The following SEL1L variants were observed in gnomAD, a reference collection of about 807,000 sequenced individuals.
SEL1L encodes SEL1L adaptor subunit of SYVN1 ubiquitin ligase.
In SEL1L, 52 loss-of-function variants were observed where a neutral mutation model predicts 109.8. That is an observed-to-expected ratio of 0.47 (90% confidence interval 0.38 to 0.60). The LOEUF (loss-of-function observed/expected upper bound fraction) is 0.60, where lower values mean the gene tolerates loss of function less well. Ranked by LOEUF, SEL1L falls within the 20% of genes least tolerant of loss-of-function variation. SEL1L has a pLI of 0.00. For missense variants in SEL1L, 749 were observed against 962.2 expected, an observed-to-expected ratio of 0.78 and a Z score of 2.93; for synonymous variants, 373 against 339.6, an observed-to-expected ratio of 1.10 and a Z score of -1.08.
At chr14:81,525,052 T>G (rs903603079) in intron 3 of SEL1L, among the ~76,000 whole-genome samples, 1 of 152,136 alleles carries the variant, frequency 6.6e-6, no homozygotes, top group Non-Finnish European at 1.5e-5. Flanking sequence ...GTGATTTTGC[T>G]GAAAAGAACA....
chr14:81,477,918 C>T (rs1032658317), intron 20 of SEL1L, among the ~76,000 whole-genome samples: 1 of 152,152 alleles, frequency 6.6e-6, no homozygotes, highest in Non-Finnish European at 1.5e-5. Flanking sequence ...AAGCTCTGTT[C>T]CATGACAGTG....
intron 13 of SEL1L, among the ~76,000 whole-genome samples, chr14:81,489,960 G>A (rs1476112329): frequency 6.6e-6 from 1 of 152,172 alleles, no homozygotes; most frequent in Admixed American, 6.5e-5. Flanking sequence ...AGAGAGGTAA[G>A]TGTACATACT....
chr14:81,499,110 TGAAAAACTAAA>T, intron 8 of SEL1L: 1 of 981,622 alleles, frequency 1.0e-6, no homozygotes, highest in Non-Finnish European at 1.2e-6. Context: ...TACAAAATTT[TGAAAAACTAAA>T]GAAAAATTTT....
In SEL1L at chr14:81,472,800, A is replaced by G; in HGVS notation, c.*4172T>C. On this transcript the variant is annotated 3_prime_UTR_variant, in exon 21 of 21. Coordinates refer to ENST00000336735, the MANE Select transcript of SEL1L (RefSeq NM_005065.6). ...AAATGAAAGATAAATTCAAATTGCCACAAGTGAATGTTTTCAGAAGCTTCT... is the reference window on the plus strand; with the variant it reads ...AAATGAAAGATAAATTCAAATTGCCGCAAGTGAATGTTTTCAGAAGCTTCT... 1 of 211,704 alleles carries G rather than the reference A, an allele frequency of 4.7e-6. No individual in the cohort carries two copies. Among genetic ancestry groups the G allele is most frequent in the South Asian group, 6.0e-5 (1 of 16,690 alleles). The allele number at this position is 211,704 out of a possible 1,614,324, so 13.1% of individuals were successfully genotyped here. A position where few individuals can be genotyped will look rare whatever the true frequency, so the allele number is the denominator to read the frequency against.
chr14:81,496,185 A>T (rs371226014), intron 10 of SEL1L, among the ~76,000 whole-genome samples: 1 of 151,498 alleles, frequency 6.6e-6, no homozygotes, highest in Non-Finnish European at 1.5e-5. Flanking sequence ...TTAGCCGGGC[A>T]TGGTAGCGGG....
At chr14:81,481,996 A>T (rs1202664080) in intron 19 of SEL1L, among the ~76,000 whole-genome samples, 1 of 151,696 alleles carries the variant, frequency 6.6e-6, no homozygotes, top group Admixed American at 6.6e-5. Context: ...GTGCCACTGC[A>T]CTCCAGCCTG....
chr14:81,502,393 G>C (rs1884052060), intron 6 of SEL1L, among the ~76,000 whole-genome samples: 1 of 152,120 alleles, frequency 6.6e-6, no homozygotes, highest in Admixed American at 6.5e-5. Flanking sequence ...AACATGAGCT[G>C]CAACATCTGA....
At chr14:81,524,745 G>A (rs1019989370) in intron 3 of SEL1L, among the ~76,000 whole-genome samples, 13 of 152,088 alleles carry the variant, frequency 8.5e-5, no homozygotes, top group African/African-American at 2.9e-4. Flanking sequence ...ATGGTGGTAC[G>A]CGCCTGGTAT....
rs776512351 is a variant in SEL1L at position 81,472,856 on chromosome 14, C to G, written c.*4116G>C. On this transcript the variant is annotated 3_prime_UTR_variant, in exon 21 of 21. Coordinates refer to ENST00000336735, the MANE Select transcript of SEL1L (RefSeq NM_005065.6). The stretch of plus-strand genomic sequence containing the variant: ...TCCAAAAAACATTAAAAAATTGAAT[C>G]ATTCAGCTTAAAAAAAGTCTGTCTG... 338 of 236,752 alleles carry G rather than the reference C, an allele frequency of 1.4e-3. 3 individuals are homozygous for G. The highest frequency in any genetic ancestry group is 5.4e-4 in the Non-Finnish European group (64 of 118,538). The allele number at this position is 236,752 out of a possible 1,614,324, so 14.7% of individuals were successfully genotyped here.
chr14:81,522,860 G>A (rs193128204), intron 3 of SEL1L, among the ~76,000 whole-genome samples: 4 of 152,174 alleles, frequency 2.6e-5, no homozygotes, highest in East Asian at 1.9e-4. Context: ...AAATAGTTAC[G>A]CTACATTGTT....
At chr14:81,480,374 A>G (rs1162744882) in intron 19 of SEL1L, among the ~76,000 whole-genome samples, 1 of 152,138 alleles carries the variant, frequency 6.6e-6, no homozygotes, top group Non-Finnish European at 1.5e-5. Flanking sequence ...TATTTTTAGT[A>G]GAGACGGGGT....
At position 81,486,429 on chromosome 14, in the gene SEL1L, C is replaced by T; in HGVS notation, c.1658G>A (p.Gly553Asp). The change falls in exon 17 of 21, where the codon GGC (glycine) becomes GAC (aspartate). Residue 553 changes from glycine to aspartate, a missense_variant. Transcript: ENST00000336735. Reference protein sequence around the residue: ...VELFKNVCERGRWSERLMTAY... With the variant: ...VELFKNVCERDRWSERLMTAY... Reference sequence around the variant, plus strand: ...AGTCATAAGCCTTTCAGACCAACGGCCTCGTTCACATACATTCTTAAACAA... The same window carrying T: ...AGTCATAAGCCTTTCAGACCAACGGTCTCGTTCACATACATTCTTAAACAA... The T allele has an allele frequency of 6.2e-7, 1 of 1,613,912 alleles. No homozygotes were observed. The highest frequency in any genetic ancestry group is 8.5e-7 in the Non-Finnish European group (1 of 1,179,948).
rs1366876196 is a variant in SEL1L, at chr14:81,487,946, T to C, written c.1396-4A>G. 5.6e-6 allele frequency: 9 copies of C among 1,609,184 alleles called. No individual in the cohort carries two copies. The highest frequency in any genetic ancestry group is 1.3e-5 in the African/African-American group (1 of 74,750). On this transcript the variant is annotated splice_region_variant and splice_polypyrimidine_tract_variant and intron_variant, in intron 14 of 20. Transcript: ENST00000336735. Reference sequence around the variant, plus strand: ...ACTTAAGGGCTAGATCATAATTCTGTAGAAAAAGATGTCATATGATGAGAA... The same window carrying C: ...ACTTAAGGGCTAGATCATAATTCTGCAGAAAAAGATGTCATATGATGAGAA...
At chr14:81,489,206 C>G (rs779724881) in intron 14 of SEL1L, 46 bp downstream of exon 14, 5 of 1,540,824 alleles carry the variant, frequency 3.2e-6, no homozygotes, top group Non-Finnish European at 4.5e-6. Context: ...CCCTACCTCT[C>G]CAGCTGACTG....
chr14:81,499,704 GGT>G (rs773636392), intron 6 of SEL1L, 42 bp from the exon 7 acceptor site: 1 of 1,535,274 alleles, frequency 6.5e-7, no homozygotes, highest in Admixed American at 1.9e-5. Context: ...CTTTGGTGAA[GGT>G]TTATCCAAGA....
chr14:81,526,389 T>C (rs1163814811), intron 3 of SEL1L, among the ~76,000 whole-genome samples: 3 of 152,228 alleles, frequency 2.0e-5, no homozygotes, highest in East Asian at 3.8e-4. Flanking sequence ...TAGACAGTTC[T>C]TCCTGAGTTT....
At position 81,506,102 on chromosome 14, in the gene SEL1L, T is replaced by G. The variant is rs1364223471; in HGVS notation, c.480A>C (p.Lys160Asn). 1 of 1,613,906 alleles carries G rather than the reference T, an allele frequency of 6.2e-7. No individual in the cohort carries two copies. Among genetic ancestry groups the G allele is most frequent in the Non-Finnish European group, 8.5e-7 (1 of 1,179,838 alleles). ...RLWCATTYDY[K>N]ADEKWGFCET... Reference sequence around the variant, plus strand: ...CACAAAAGCCCCACTTTTCATCTGCTTTGTAGTCATAGGTTGTAGCACACC... The same window carrying G: ...CACAAAAGCCCCACTTTTCATCTGCGTTGTAGTCATAGGTTGTAGCACACC... Residue 160 changes from lysine (K) to asparagine (N), a missense_variant, in exon 4 of 21, where the codon AAA (lysine) becomes AAC (asparagine). Lys to Asn is a moderately conservative substitution (Grantham distance 94). Coordinates refer to ENST00000336735, the MANE Select transcript of SEL1L (RefSeq NM_005065.6).
Position 81,475,105 on chromosome 14 carries a change from T to C in SEL1L, c.*1867A>G, listed in dbSNP as rs1299707555. 3 of 152,186 alleles carry C rather than the reference T, an allele frequency of 2.0e-5. No individual in the cohort carries two copies. The highest frequency in any genetic ancestry group is 6.5e-5 in the Admixed American group (1 of 15,274). 9.4% of individuals were successfully genotyped at this position (152,186 alleles called of 1,614,324 possible). A position where few individuals can be genotyped will look rare whatever the true frequency, so the allele number is the denominator to read the frequency against. On this transcript the variant is annotated 3_prime_UTR_variant, in exon 21 of 21. Transcript: ENST00000336735. ...GGCTGCTACCGTGGATTACACTTAT[T>C]TTGAAGCGGGGAGAAGGGACAGTGG...
In SEL1L at chr14:81,486,226, A is replaced by G. The variant is rs978912639; in HGVS notation, c.1798+63T>C. ...AGTAGCTTTTCTTTTTGAATACATT[A>G]AACAGTTTACTGGTGTGAACTCGTA... On this transcript the variant is annotated intron_variant, in intron 17 of 20. Coordinates refer to ENST00000336735, the MANE Select transcript of SEL1L (RefSeq NM_005065.6). 4.4e-5 allele frequency: 66 copies of G among 1,485,936 alleles called. 1 individual carries two copies. The South Asian group carries it at 6.8e-4, about 15-fold the overall frequency. The allele number at this position is 1,485,936 out of a possible 1,614,324, so 92.0% of individuals were successfully genotyped here. A position where few individuals can be genotyped will look rare whatever the true frequency, so the allele number is the denominator to read the frequency against.
Sources: allele counts gnomAD v4.1 joint callset (sites outside exome capture counted in the v4.1 genomes callset), GRCh38; gene constraint gnomAD v4.1.1; transcripts MANE v1.5; gene names NCBI Gene and HGNC (gene_info 2026-07-23, HGNC 2026-07-21).